MEF2A: variants seen among roughly 807,000 people sequenced by gnomAD.
The protein encoded by MEF2A is myocyte-specific enhancer factor 2A.
MEF2A carries 28 observed loss-of-function variants against 55.8 expected under a neutral mutation model. That is an observed-to-expected ratio of 0.50 (90% confidence interval 0.37 to 0.69). The LOEUF (loss-of-function observed/expected upper bound fraction) is 0.69, where lower values mean the gene tolerates loss of function less well. Ranked by LOEUF, MEF2A falls within the 30% of genes least tolerant of loss-of-function variation. The pLI is 0.00. For missense variants in MEF2A, 528 were observed against 626.2 expected, an observed-to-expected ratio of 0.84 and a Z score of 1.67; for synonymous variants, 239 against 227.1, an observed-to-expected ratio of 1.05 and a Z score of -0.47.
At chr15:99,583,826 ATACAATAGG>A (rs1282166822) in intron 1 of MEF2A, among the ~76,000 whole-genome samples, 4 of 152,146 alleles carry the variant, frequency 2.6e-5, no homozygotes, top group African/African-American at 9.7e-5. Context: ...ATTTGGGAAA[ATACAATAGG>A]TACAGTCATG....
chr15:99,570,910 C>A (rs956845388), intron 1 of MEF2A, among the ~76,000 whole-genome samples: 23 of 151,642 alleles, frequency 1.5e-4, no homozygotes, highest in Admixed American at 1.1e-3. Flanking sequence ...CCTGGCTGGG[C>A]GCGGTGGCTC....
At chr15:99,653,232 G>A (rs145361880) in intron 4 of MEF2A, among the ~76,000 whole-genome samples, 1 of 152,222 alleles carries the variant, frequency 6.6e-6, no homozygotes, top group South Asian at 2.1e-4. Context: ...ATATAGATGG[G>A]TAATGCGGAC....
At chr15:99,673,541 A>G (rs1383169131) in intron 5 of MEF2A, among the ~76,000 whole-genome samples, 1 of 152,162 alleles carries the variant, frequency 6.6e-6, no homozygotes, top group Non-Finnish European at 1.5e-5. Flanking sequence ...GGGCAGAGTA[A>G]AGTTGTTTTA....
chr15:99,605,824 G>C (rs1256524170), intron 2 of MEF2A, among the ~76,000 whole-genome samples: 1 of 152,078 alleles, frequency 6.6e-6, no homozygotes, highest in African/African-American at 2.4e-5. Flanking sequence ...TACAAAATTA[G>C]CCAGGCATGG....
chr15:99,658,403 G>A (rs1257234364), intron 4 of MEF2A, among the ~76,000 whole-genome samples: 6 of 152,122 alleles, frequency 3.9e-5, no homozygotes, highest in Non-Finnish European at 8.8e-5. Context: ...TTAAAAGGCA[G>A]AAAATATCAA....
At chr15:99,680,255 T>G (rs1256304983) in intron 7 of MEF2A, among the ~76,000 whole-genome samples, 1 of 152,128 alleles carries the variant, frequency 6.6e-6, no homozygotes, top group Non-Finnish European at 1.5e-5. Context: ...TGTACCAAAA[T>G]ACACAATTCA....
chr15:99,620,298 A>G (rs1057122682), intron 2 of MEF2A, among the ~76,000 whole-genome samples: 1 of 152,204 alleles, frequency 6.6e-6, no homozygotes, highest in Non-Finnish European at 1.5e-5. Context: ...CACCCAAATA[A>G]TAAGCACAGT....
chr15:99,671,624 A>T, intron 5 of MEF2A, 170 bp downstream of exon 5: 1 of 1,589,478 alleles, frequency 6.3e-7, no homozygotes, highest in East Asian at 2.3e-5. Flanking sequence ...TTAATGAGGA[A>T]TTTGATAATA....
chr15:99,596,054 A>G (rs1174727260), intron 1 of MEF2A, among the ~76,000 whole-genome samples: 2 of 152,156 alleles, frequency 1.3e-5, no homozygotes, highest in Non-Finnish European at 2.9e-5. Flanking sequence ...GTGTCTCATT[A>G]CAGATTATTG....
At chr15:99,650,252 G>A (rs1184615302) in intron 4 of MEF2A, among the ~76,000 whole-genome samples, 1 of 152,196 alleles carries the variant, frequency 6.6e-6, no homozygotes, top group Non-Finnish European at 1.5e-5. Flanking sequence ...ACCAGGATTA[G>A]GACCCAGGTC....
At chr15:99,578,728 A>G (rs1227132903) in intron 1 of MEF2A, among the ~76,000 whole-genome samples, 1 of 152,244 alleles carries the variant, frequency 6.6e-6, no homozygotes, top group Non-Finnish European at 1.5e-5. Context: ...CTATGTATGC[A>G]TAATCATGCA....
At chr15:99,671,191 A>G (rs1189648416) in intron 4 of MEF2A, 132 bp from the exon 5 acceptor site, 10 of 854,134 alleles carry the variant, frequency 1.2e-5, no homozygotes, top group Admixed American at 1.0e-4. Flanking sequence ...TACATTTGTG[A>G]TCATTTAGAA....
At chr15:99,574,976 A>G (rs989169959) in intron 1 of MEF2A, among the ~76,000 whole-genome samples, 11 of 152,216 alleles carry the variant, frequency 7.2e-5, no homozygotes, top group Non-Finnish European at 1.3e-4. Flanking sequence ...TATCATTAAC[A>G]TATCAGGCAT....
At chr15:99,693,715 A>C (rs909051136) in intron 8 of MEF2A, among the ~76,000 whole-genome samples, 2 of 152,224 alleles carry the variant, frequency 1.3e-5, no homozygotes, top group African/African-American at 4.8e-5. Flanking sequence ...TATTGCCAGC[A>C]GACCTGCTCT....
At chr15:99,687,625 A>C (rs988296088) in intron 7 of MEF2A, among the ~76,000 whole-genome samples, 1 of 152,116 alleles carries the variant, frequency 6.6e-6, no homozygotes, top group African/African-American at 2.4e-5. Context: ...TTCTTCTCTC[A>C]TTTCAGACTG....
intron 8 of MEF2A, among the ~76,000 whole-genome samples, chr15:99,695,252 G>A (rs1196876892): frequency 2.0e-5 from 3 of 152,138 alleles, no homozygotes; most frequent in African/African-American, 7.2e-5. Flanking sequence ...AACAAAAGAT[G>A]GGAGGGAGGA....
In MEF2A at chr15:99,712,312, G is replaced by A; in HGVS notation, c.1137-78G>A. ...CAGACTCTGGGCCCTTTTCCATCAG[G>A]CAGTGTCTCTACTGTATCATCCCAG... On this transcript the variant is annotated intron_variant, in intron 11 of 11. Transcript: ENST00000557942. This position sits in a 1 kb window ranked among gnomAD's most constrained non-coding sequence, Gnocchi z 4.1. The A allele has an allele frequency of 6.9e-7, 1 of 1,446,018 alleles. No homozygotes were observed. Among genetic ancestry groups the A allele is most frequent in the East Asian group, 2.5e-5 (1 of 39,980 alleles). The allele number at this position is 1,446,018 out of a possible 1,614,324, so 89.6% of individuals were successfully genotyped here.
chr15:99,618,563 T>C (rs1316783592), intron 2 of MEF2A, among the ~76,000 whole-genome samples: 1 of 152,208 alleles, frequency 6.6e-6, no homozygotes, highest in African/African-American at 2.4e-5. Flanking sequence ...GAGAATATTC[T>C]TCTTAGGAAA....
chr15:99,686,873 A>G (rs529210637), intron 7 of MEF2A, among the ~76,000 whole-genome samples: 269 of 151,956 alleles, frequency 1.8e-3, no homozygotes, highest in African/African-American at 4.9e-3. Flanking sequence ...TTGGCTGTTT[A>G]GCGTAATCTC....
Sources: allele counts gnomAD v4.1 joint callset (sites outside exome capture counted in the v4.1 genomes callset), GRCh38; gene constraint gnomAD v4.1.1; non-coding constraint Gnocchi (gnomAD v3.1); transcripts MANE v1.5; gene names NCBI Gene and HGNC (gene_info 2026-07-23, HGNC 2026-07-21).